The following AKAP9 variants were observed in gnomAD, a reference collection of about 807,000 sequenced individuals.
AKAP9 encodes the protein A-kinase anchoring protein 9, also known as A-kinase anchor protein 9.
In AKAP9, 311 loss-of-function variants were observed where a neutral mutation model predicts 488.5. The observed-to-expected ratio is 0.64, with a 90% CI of 0.58 to 0.70. AKAP9 has a LOEUF of 0.70. Ranked by LOEUF, AKAP9 falls within the 30% of genes least tolerant of loss-of-function variation. The probability of loss-of-function intolerance (pLI) is 0.00; values close to 1 mark genes in which losing one functional copy is unlikely to be tolerated. For synonymous variants in AKAP9, 1,462 were observed against 1,483.5 expected (o/e 0.99, Z 0.33); for missense variants, 4,215 against 4,374.5 (o/e 0.96, Z 1.03).
At chr7:91,968,841 C>T (rs1272869296) in intron 1 of AKAP9, among the ~76,000 whole-genome samples, 2 of 151,972 alleles carry the variant, frequency 1.3e-5, no homozygotes, top group Non-Finnish European at 2.9e-5. Flanking sequence ...TCATCATTGA[C>T]CCATTTGTCC....
Position 92,005,628 on chromosome 7 carries a change from CTAAA to C in AKAP9, c.3318+2396_3318+2399del, listed in dbSNP as rs959809205. On this transcript the variant is annotated intron_variant, in intron 8 of 49. Coordinates refer to ENST00000356239, the MANE Select transcript of AKAP9 (RefSeq NM_005751.5). ...AGAGATATTTTATATATTTACTTGC[CTAAA>C]TAGAGTCAAGAAATTCGAATTGCTT... is the stretch of plus-strand genomic sequence containing the variant. Among the ~76,000 whole-genome samples the C allele has an allele frequency of 8.6e-5, 13 of 152,034 alleles. No individual in the cohort carries two copies. In the East Asian group the frequency reaches 2.1e-3, roughly 25 times the overall value.
intron 22 of AKAP9, among the ~76,000 whole-genome samples, chr7:92,053,932 GATT>G: frequency 1.3e-5 from 2 of 152,162 alleles, no homozygotes; most frequent in East Asian, 3.9e-4. Flanking sequence ...CTAATCTGTG[GATT>G]ATTAGTACAA....
intron 1 of AKAP9, among the ~76,000 whole-genome samples, chr7:91,958,039 A>G (rs139204354): frequency 1.5e-4 from 23 of 152,264 alleles, no homozygotes; most frequent in African/African-American, 5.1e-4. Flanking sequence ...GAGTAAGAAG[A>G]GGGAGTGAAG....
intron 38 of AKAP9, among the ~76,000 whole-genome samples, chr7:92,090,934 A>G (rs1346572485): frequency 2.0e-5 from 3 of 152,214 alleles, no homozygotes; most frequent in African/African-American, 7.2e-5. Context: ...ATCTTTGCCA[A>G]CAGTTAGTAT....
At chr7:92,065,948 A>C (rs1810700470) in intron 25 of AKAP9, among the ~76,000 whole-genome samples, 1 of 152,078 alleles carries the variant, frequency 6.6e-6, no homozygotes. Flanking sequence ...TTGAGATTTC[A>C]CTTAAGCCTG....
chr7:91,942,930 A>G (rs1444699614), intron 1 of AKAP9, among the ~76,000 whole-genome samples: 3 of 152,050 alleles, frequency 2.0e-5, no homozygotes. Context: ...TTAGCTATAC[A>G]ATATAAAAAT....
chr7:91,998,418 C>CTTTTTTTTTTTTTTTT lies in AKAP9; in HGVS notation c.931-2408_931-2393dup, dbSNP rs60778133. 1.3e-4 allele frequency among the ~76,000 whole-genome samples: 7 copies of CTTTTTTTTTTTTTTTT among 53,994 alleles called. 3 individuals are homozygous for CTTTTTTTTTTTTTTTT. Among genetic ancestry groups the CTTTTTTTTTTTTTTTT allele is most frequent in the Non-Finnish European group, 2.4e-4 (6 of 25,224 alleles). 35.4% of individuals were successfully genotyped at this position (53,994 alleles called of 152,430 possible). A position where few individuals can be genotyped will look rare whatever the true frequency, so the allele number is the denominator to read the frequency against. On this transcript the variant is annotated intron_variant, in intron 7 of 49. Coordinates refer to ENST00000356239, the MANE Select transcript of AKAP9 (RefSeq NM_005751.5). The stretch of plus-strand genomic sequence containing the variant: ...AGATAGTGTATTCAACCACAGGGCT[C>CTTTTTTTTTTTTTTTT]TTTTTTTTTTTTTTTTTTTTTTTTT...
chr7:92,014,280 T>G lies in AKAP9; in HGVS notation c.3564T>G (p.Ile1188Met), dbSNP rs748732800. The change falls in exon 10 of 50, where the codon ATT becomes ATG. Residue 1188 changes from isoleucine to methionine, a missense_variant. Around this residue, in one of 5 missense-constraint regions of AKAP9, gnomAD observed 2,361 missense variants for 2,430.0 expected, o/e 0.97. Coordinates refer to ENST00000356239, the MANE Select transcript of AKAP9 (RefSeq NM_005751.5). ...AAGGAAAGCCTTTACATCTGCTCAT[T>G]GGAAAACTTCAAAAGGCAGTGTCTG... ...GDEGKPLHLL[I>M]GKLQKAVSEE... is the part of the protein sequence containing the mutation. The G allele has an allele frequency of 3.7e-6, 6 of 1,613,522 alleles. No individual in the cohort carries two copies. Among genetic ancestry groups the G allele is most frequent in the Non-Finnish European group, 5.1e-6 (6 of 1,179,524 alleles).
intron 47 of AKAP9, among the ~76,000 whole-genome samples, chr7:92,106,438 A>T (rs1818518281): frequency 6.6e-6 from 1 of 152,228 alleles, no homozygotes; most frequent in Admixed American, 6.5e-5. Flanking sequence ...TGATGGAACC[A>T]GGACCAAACA....
intron 28 of AKAP9, among the ~76,000 whole-genome samples, chr7:92,074,211 G>A (rs1170786703): frequency 2.0e-5 from 3 of 152,160 alleles, no homozygotes; most frequent in East Asian, 1.9e-4. Context: ...CAAAGGATAC[G>A]AACAGACACT....
intron 8 of AKAP9, among the ~76,000 whole-genome samples, chr7:92,011,774 G>A (rs1224117668): frequency 6.6e-6 from 1 of 152,172 alleles, no homozygotes; most frequent in Non-Finnish European, 1.5e-5. Flanking sequence ...AGCCTCTACT[G>A]CATTCTATGC....
At chr7:91,950,712 C>G (rs959980829) in intron 1 of AKAP9, among the ~76,000 whole-genome samples, 1 of 152,102 alleles carries the variant, frequency 6.6e-6, no homozygotes, top group South Asian at 2.1e-4. Flanking sequence ...TTAATTCTTA[C>G]GCCGTTTATA....
intron 1 of AKAP9, among the ~76,000 whole-genome samples, chr7:91,944,194 G>A (rs1368106683): frequency 6.6e-6 from 1 of 151,492 alleles, no homozygotes; most frequent in Non-Finnish European, 1.5e-5. Flanking sequence ...ATAATGCCAG[G>A]TTAAAAAGAA....
intron 3 of AKAP9, among the ~76,000 whole-genome samples, chr7:91,991,750 C>T (rs777899502): frequency 2.0e-5 from 3 of 152,156 alleles, no homozygotes; most frequent in Non-Finnish European, 4.4e-5. Context: ...GGATTACAGG[C>T]GTGAGCCACC....
chr7:92,102,100 G>A (rs181671576), intron 45 of AKAP9, among the ~76,000 whole-genome samples: 8 of 151,646 alleles, frequency 5.3e-5, no homozygotes, highest in Non-Finnish European at 1.2e-4. Flanking sequence ...AGGTTGCAGT[G>A]AGCCGAGATC....
intron 45 of AKAP9, among the ~76,000 whole-genome samples, chr7:92,102,171 AAAT>A (rs1310309388): frequency 8.2e-5 from 9 of 109,682 alleles, no homozygotes; most frequent in African/African-American, 2.2e-4. Flanking sequence ...TTTAAAAAAA[AAAT>A]AAATAAATAA....
At chr7:92,008,177 G>C (rs956442099) in intron 8 of AKAP9, among the ~76,000 whole-genome samples, 3 of 151,856 alleles carry the variant, frequency 2.0e-5, no homozygotes, top group African/African-American at 7.3e-5. Context: ...AGATTGACCT[G>C]ATCAACATGG....
intron 36 of AKAP9, 60 bp from the exon 37 acceptor site, chr7:92,086,168 T>G (rs973724868): frequency 1.3e-5 from 18 of 1,334,978 alleles, no homozygotes; most frequent in Non-Finnish European, 1.8e-5. Flanking sequence ...TTAATATTTT[T>G]AGAATGTTTT....
At chr7:92,090,991 T>C (rs1563127559) in intron 38 of AKAP9, among the ~76,000 whole-genome samples, 1 of 152,184 alleles carries the variant, frequency 6.6e-6, no homozygotes, top group African/African-American at 2.4e-5. Flanking sequence ...TGGATTCTTA[T>C]TGTGGTTTTA....
Sources: gnomAD v4.1 joint callset for allele counts (sites outside exome capture counted in the v4.1 genomes callset) on GRCh38, gnomAD v4.1.1 for gene constraint, gnomAD v4.1.1 regional missense constraint, MANE v1.5 for transcripts, NCBI Gene and HGNC (gene_info 2026-07-23, HGNC 2026-07-21) for gene names.